Variants in FILIP1 observed in about 807,000 individuals in gnomAD.
FILIP1 encodes the protein filamin A interacting protein 1.
A neutral mutation model predicts 102.1 loss-of-function variants in FILIP1; 61 were observed. That is an observed-to-expected ratio of 0.60 (90% CI 0.49 to 0.74). The LOEUF is 0.74. FILIP1 is among the 30% of genes least tolerant of loss of function. FILIP1 has a pLI of 0.00. For missense variants in FILIP1, 1,314 were observed against 1,441.2 expected (o/e 0.91, Z 1.43); for synonymous variants, 491 against 526.9 (o/e 0.93, Z 0.93).
intron 1 of FILIP1, among the ~76,000 whole-genome samples, chr6:75,481,164 C>T (rs1236754396): frequency 1.3e-5 from 2 of 152,170 alleles, no homozygotes; most frequent in Non-Finnish European, 2.9e-5. Flanking sequence ...TGTGGTCTCA[C>T]TAAACCATTT....
chr6:75,429,043 C>G (rs1200116789), intron 1 of FILIP1, among the ~76,000 whole-genome samples: 3 of 152,064 alleles, frequency 2.0e-5, no homozygotes, highest in Non-Finnish European at 4.4e-5. Context: ...AGTCAATTGC[C>G]ATGTGTTTAT....
intron 2 of FILIP1, chr6:75,397,909 T>C (rs1304047084): frequency 1.3e-5 from 2 of 152,186 alleles, no homozygotes; most frequent in Non-Finnish European, 2.9e-5. Flanking sequence ...TGCTAAAATT[T>C]GTGCACATTG....
At chr6:75,310,193 T>G (rs1292959124) in intron 5 of FILIP1, among the ~76,000 whole-genome samples, 1 of 152,246 alleles carries the variant, frequency 6.6e-6, no homozygotes, top group East Asian at 1.9e-4. Context: ...GCACATGCTG[T>G]TCTGTCTACA....
At position 75,414,790 on chromosome 6, in the gene FILIP1, T is replaced by G; in HGVS notation, c.183A>C (p.Thr61=). The G allele has an allele frequency of 6.2e-7, 1 of 1,613,928 alleles. No homozygotes were observed. Among genetic ancestry groups the G allele is most frequent in the Non-Finnish European group, 8.5e-7 (1 of 1,179,824 alleles). Residue 61 remains threonine, a synonymous_variant, in exon 2 of 6, where the codon ACA becomes ACC. Coordinates refer to ENST00000237172, the MANE Select transcript of FILIP1 (RefSeq NM_015687.5). The stretch of plus-strand genomic sequence containing the variant: ...TAGTTTTTCGTTCACATTCTCCAGA[T>G]GTTTTTAGGTGTCGTTTGACAGTTC... ...ASGTVKRHLK[T]SGECERKTKK...
intron 2 of FILIP1, among the ~76,000 whole-genome samples, chr6:75,407,787 G>A (rs1002149427): frequency 5.3e-5 from 8 of 152,038 alleles, no homozygotes; most frequent in Non-Finnish European, 8.8e-5. Context: ...AATTTAGATC[G>A]TTTTTTGCTA....
intron 2 of FILIP1, among the ~76,000 whole-genome samples, chr6:75,369,114 C>T (rs1232468644): frequency 6.6e-6 from 1 of 152,170 alleles, no homozygotes; most frequent in East Asian, 1.9e-4. Context: ...GACTTTGTTG[C>T]CTCAGAGGTT....
At chr6:75,441,620 C>T (rs1362209230) in intron 1 of FILIP1, among the ~76,000 whole-genome samples, 6 of 144,622 alleles carry the variant, frequency 4.1e-5, no homozygotes, top group East Asian at 2.1e-4. Flanking sequence ...CTGACCCCCC[C>T]GACCTCCCTC....
At chr6:75,376,917 T>C (rs1775770425) in intron 2 of FILIP1, among the ~76,000 whole-genome samples, 1 of 152,186 alleles carries the variant, frequency 6.6e-6, no homozygotes, top group African/African-American at 2.4e-5. Context: ...GTGTAGAGTC[T>C]GCAGTTCCCT....
chr6:75,366,622 C>T (rs1379564954), intron 2 of FILIP1, among the ~76,000 whole-genome samples: 1 of 152,084 alleles, frequency 6.6e-6, no homozygotes, highest in East Asian at 1.9e-4. Context: ...TATAAGACGC[C>T]TAACATAAAA....
At chr6:75,415,845 T>C (rs1435165851) in intron 1 of FILIP1, among the ~76,000 whole-genome samples, 1 of 152,144 alleles carries the variant, frequency 6.6e-6, no homozygotes. Flanking sequence ...AGTCATCCCA[T>C]GAGGAATGCT....
chr6:75,447,022 G>A (rs1294175586), intron 1 of FILIP1, among the ~76,000 whole-genome samples: 1 of 152,116 alleles, frequency 6.6e-6, no homozygotes, highest in Non-Finnish European at 1.5e-5. Context: ...CCAAACCTTA[G>A]GGAGGAGAAA....
At chr6:75,316,941 A>G (rs1002320488) in intron 4 of FILIP1, among the ~76,000 whole-genome samples, 2 of 152,240 alleles carry the variant, frequency 1.3e-5, no homozygotes, top group African/African-American at 4.8e-5. Flanking sequence ...TACCATTTTC[A>G]AATTCCTTGC....
chr6:75,486,449 A>G (rs1779791177), intron 1 of FILIP1, among the ~76,000 whole-genome samples: 1 of 152,044 alleles, frequency 6.6e-6, no homozygotes, highest in African/African-American at 2.4e-5. Flanking sequence ...CTGACCCTAA[A>G]TCTCTTTATT....
At chr6:75,493,071 T>C (rs1780010873) in intron 1 of FILIP1, among the ~76,000 whole-genome samples, 1 of 152,246 alleles carries the variant, frequency 6.6e-6, no homozygotes. Context: ...GATATCCTTT[T>C]CATTGCTTAG....
intron 2 of FILIP1, among the ~76,000 whole-genome samples, chr6:75,377,775 T>A (rs1407733744): frequency 6.6e-6 from 1 of 152,266 alleles, no homozygotes; most frequent in East Asian, 1.9e-4. Flanking sequence ...AGGACAGAAC[T>A]GCTTTTTAAA....
intron 3 of FILIP1, among the ~76,000 whole-genome samples, chr6:75,356,902 C>T (rs1037056117): frequency 2.0e-5 from 3 of 152,172 alleles, no homozygotes; most frequent in African/African-American, 4.8e-5. Context: ...TTTTAGAGAA[C>T]GTGTCAAGCA....
At chr6:75,327,453 T>C (rs1277429413) in intron 4 of FILIP1, among the ~76,000 whole-genome samples, 1 of 151,698 alleles carries the variant, frequency 6.6e-6, no homozygotes, top group Non-Finnish European at 1.5e-5. Context: ...GTCACTCTGC[T>C]TGTAAAAGGA....
intron 2 of FILIP1, among the ~76,000 whole-genome samples, chr6:75,411,490 C>T (rs546675690): frequency 6.6e-6 from 1 of 152,276 alleles, no homozygotes; most frequent in East Asian, 1.9e-4. Flanking sequence ...GAAGTCTTTG[C>T]CCATGCCTAT....
At position 75,381,005 on chromosome 6, in the gene FILIP1, C is replaced by A. The variant is rs115817411; in HGVS notation, c.277-18088G>T. Among the ~76,000 whole-genome samples, 739 of 152,014 alleles carry A rather than the reference C, an allele frequency of 4.9e-3. 5 individuals are homozygous for A. The highest frequency in any genetic ancestry group is 0.017 in the African/African-American group (702 of 41,464). The stretch of plus-strand genomic sequence containing the variant: ...CCTCCTAAGGAGACTTTTTAGGTAT[C>A]TTTTCTGGTATTGCTCTCTTTTGAA... On this transcript the variant is annotated intron_variant, in intron 2 of 5. Coordinates refer to ENST00000237172, the MANE Select transcript of FILIP1 (RefSeq NM_015687.5).
Sources: gnomAD v4.1 joint callset for allele counts (sites outside exome capture counted in the v4.1 genomes callset) on GRCh38, gnomAD v4.1.1 for gene constraint, MANE v1.5 for transcripts, NCBI Gene and HGNC (gene_info 2026-07-23, HGNC 2026-07-21) for gene names.